MAST4: variants seen among roughly 807,000 people sequenced by gnomAD.
MAST4 encodes microtubule-associated serine/threonine-protein kinase 4.
MAST4 carries 89 observed loss-of-function variants against 162.7 expected under a neutral mutation model. That is an observed-to-expected ratio of 0.55 (90% CI 0.46 to 0.65). The LOEUF (loss-of-function observed/expected upper bound fraction) is 0.65, where lower values mean the gene tolerates loss of function less well. Ranked by LOEUF, MAST4 falls within the 30% of genes least tolerant of loss-of-function variation. MAST4 has a pLI of 0.00. For missense variants in MAST4, 3,153 were observed against 3,374.0 expected (o/e 0.93, Z 1.62); for synonymous variants, 1,479 against 1,361.1 (o/e 1.09, Z -1.91).
At chr5:67,086,968 C>G (rs546138262) in intron 5 of MAST4, among the ~76,000 whole-genome samples, 1 of 152,182 alleles carries the variant, frequency 6.6e-6, no homozygotes, top group East Asian at 1.9e-4. Flanking sequence ...ATTGCTAAGT[C>G]TTCAGAGACT....
chr5:66,819,951 G>A (rs1055995927), intron 3 of MAST4, among the ~76,000 whole-genome samples: 6 of 133,468 alleles, frequency 4.5e-5, no homozygotes, highest in African/African-American at 1.1e-4. Context: ...TTTTTGTGGG[G>A]TTTTTTCTTT....
At chr5:66,965,610 A>G (rs1424325286) in intron 4 of MAST4, among the ~76,000 whole-genome samples, 1 of 150,172 alleles carries the variant, frequency 6.7e-6, no homozygotes, top group South Asian at 2.1e-4. Flanking sequence ...GGTGAAGGAT[A>G]AAACCAGACA....
At chr5:66,991,502 A>C (rs1750064940) in intron 4 of MAST4, among the ~76,000 whole-genome samples, 1 of 152,186 alleles carries the variant, frequency 6.6e-6, no homozygotes, top group African/African-American at 2.4e-5. Flanking sequence ...GCTTCACTCC[A>C]CAATAAAGCT....
At chr5:66,894,115 C>G (rs1762531734) in intron 3 of MAST4, among the ~76,000 whole-genome samples, 2 of 152,264 alleles carry the variant, frequency 1.3e-5, no homozygotes, top group East Asian at 3.9e-4. Flanking sequence ...GAAACTTTAC[C>G]TCTGTAATGA....
At chr5:67,058,997 T>G (rs1581385368) in intron 5 of MAST4, among the ~76,000 whole-genome samples, 1 of 152,204 alleles carries the variant, frequency 6.6e-6, no homozygotes, top group South Asian at 2.1e-4. Flanking sequence ...CTCGCCTGGG[T>G]TCTCTGCTCA....
intron 1 of MAST4, among the ~76,000 whole-genome samples, chr5:66,679,300 A>G (rs1748171713): frequency 6.6e-6 from 1 of 152,158 alleles, no homozygotes; most frequent in Admixed American, 6.5e-5. Context: ...TAAATCATGT[A>G]GAAGATAGAA....
chr5:66,602,419 C>G (rs868284574), intron 1 of MAST4, among the ~76,000 whole-genome samples: 6 of 152,198 alleles, frequency 3.9e-5, no homozygotes, highest in Middle Eastern at 6.8e-3. Flanking sequence ...CAGGGAATGT[C>G]AAATACTTAA....
At position 67,165,114 on chromosome 5, in the gene MAST4, C is replaced by G. The variant is rs1261850566; in HGVS notation, c.5935C>G (p.Pro1979Ala). Residue 1979 changes from proline to alanine, a missense_variant, in exon 29 of 29, where the codon CCC becomes GCC. Physicochemically the swap from Pro to Ala is conservative, Grantham distance 27 (BLOSUM62 -1). Around this residue, in one of 7 missense-constraint regions of MAST4, gnomAD observed 1,644 missense variants for 1,495.0 expected, o/e 1.10. Coordinates refer to ENST00000403625, the MANE Select transcript of MAST4 (RefSeq NM_001164664.2). Reference protein sequence around the residue: ...GLRESSERGPPTARSERSAAR... With the variant: ...GLRESSERGPATARSERSAAR... Reference sequence around the variant, plus strand: ...GAGGGAATCGTCTGAAAGAGGCCCTCCCACAGCCAGAAGCGAGCGCTCTGC... The same window carrying G: ...GAGGGAATCGTCTGAAAGAGGCCCTGCCACAGCCAGAAGCGAGCGCTCTGC... The G allele has an allele frequency of 2.2e-5, 35 of 1,590,004 alleles. No homozygotes were observed. Among genetic ancestry groups the G allele is most frequent in the Non-Finnish European group, 2.9e-5 (34 of 1,168,020 alleles).
intron 5 of MAST4, among the ~76,000 whole-genome samples, chr5:67,072,578 A>C (rs568828440): frequency 8.0e-4 from 122 of 152,352 alleles, no homozygotes; most frequent in African/African-American, 2.9e-3. Context: ...CAAAGATGGT[A>C]AAATTTGTTA....
At chr5:66,911,986 C>T (rs934578570) in intron 4 of MAST4, among the ~76,000 whole-genome samples, 1 of 152,122 alleles carries the variant, frequency 6.6e-6, no homozygotes, top group Admixed American at 6.5e-5. Flanking sequence ...CCTGATTTTC[C>T]AATGCAGTCT....
intron 3 of MAST4, among the ~76,000 whole-genome samples, chr5:66,836,038 G>A (rs1757944693): frequency 6.6e-6 from 1 of 152,126 alleles, no homozygotes; most frequent in Non-Finnish European, 1.5e-5. Context: ...AGATGTGGTG[G>A]TGTGCACCTG....
At chr5:66,775,037 ATGTG>A (rs1420751055) in intron 2 of MAST4, among the ~76,000 whole-genome samples, 1 of 73,942 alleles carries the variant, frequency 1.4e-5, no homozygotes, top group Non-Finnish European at 3.0e-5. Flanking sequence ...GTGTGTGTGT[ATGTG>A]TGTGTTTTCC....
intron 12 of MAST4, among the ~76,000 whole-genome samples, chr5:67,117,568 A>G (rs1051223537): frequency 6.6e-5 from 10 of 151,784 alleles, no homozygotes; most frequent in African/African-American, 2.2e-4. Context: ...AAAATTTTAA[A>G]TATATTTAGA....
At chr5:66,793,930 G>A (rs1397842923) in intron 3 of MAST4, among the ~76,000 whole-genome samples, 1 of 152,098 alleles carries the variant, frequency 6.6e-6, no homozygotes, top group Non-Finnish European at 1.5e-5. Flanking sequence ...TAAATTTCAT[G>A]AAGGCAGAGA....
At chr5:66,748,428 C>T (rs1351319497) in intron 1 of MAST4, among the ~76,000 whole-genome samples, 1 of 132,266 alleles carries the variant, frequency 7.6e-6, no homozygotes, top group Non-Finnish European at 1.6e-5. Context: ...TTCCTTCCTC[C>T]CTCCCTCCCT....
At chr5:66,861,484 A>T (rs1270294711) in intron 3 of MAST4, among the ~76,000 whole-genome samples, 1 of 152,232 alleles carries the variant, frequency 6.6e-6, no homozygotes, top group Admixed American at 6.5e-5. Flanking sequence ...TCTGCTAGGC[A>T]TGTAGAGCCA....
At chr5:66,716,059 A>C (rs1310402347) in intron 1 of MAST4, among the ~76,000 whole-genome samples, 2 of 152,182 alleles carry the variant, frequency 1.3e-5, no homozygotes, top group African/African-American at 2.4e-5. Flanking sequence ...TAGTATGATC[A>C]ATAAAAAACC....
chr5:66,658,360 G>A lies in MAST4; in HGVS notation c.363+61342G>A, dbSNP rs367638692. ...GAGAAAAATGAAGTGTTACAAAGAC[G>A]GGCCTATTTCCAGCCAAGTTTTATG... On this transcript the variant is annotated intron_variant, in intron 1 of 28. Coordinates refer to ENST00000403625, the MANE Select transcript of MAST4 (RefSeq NM_001164664.2). Among the ~76,000 whole-genome samples, 32 of 152,250 alleles carry A rather than the reference G, an allele frequency of 2.1e-4. No individual in the cohort carries two copies. The East Asian group carries it at 4.6e-3, about 22-fold the overall frequency.
chr5:66,789,577 G>T (rs374454583), intron 3 of MAST4, among the ~76,000 whole-genome samples: 2 of 152,276 alleles, frequency 1.3e-5, no homozygotes, highest in East Asian at 3.9e-4. Context: ...CTCATGGCGA[G>T]ATTCAGGTTT....
Sources: gnomAD v4.1 joint callset for allele counts (sites outside exome capture counted in the v4.1 genomes callset) on GRCh38, gnomAD v4.1.1 for gene constraint, gnomAD v4.1.1 regional missense constraint, MANE v1.5 for transcripts, NCBI Gene and HGNC (gene_info 2026-07-23, HGNC 2026-07-21) for gene names.